Variants in MTCL1 observed in about 807,000 individuals in gnomAD.
The protein encoded by MTCL1 is microtubule crosslinking factor 1.
A neutral mutation model predicts 141.4 loss-of-function variants in MTCL1; 79 were observed. The ratio of observed to expected loss-of-function variants is 0.56; its 90% confidence interval spans 0.47 to 0.67. The LOEUF is 0.67. Among genes scored for constraint, MTCL1 ranks in the 30% least tolerant of loss-of-function variants. The pLI is 0.00. For missense variants in MTCL1, 2,177 were observed against 2,113.9 expected, an observed-to-expected ratio of 1.03 and a Z score of -0.59; for synonymous variants, 914 against 875.8, an observed-to-expected ratio of 1.04 and a Z score of -0.77.
At chr18:8,815,447 A>G (rs1956269576) in intron 12 of MTCL1, among the ~76,000 whole-genome samples, 1 of 152,022 alleles carries the variant, frequency 6.6e-6, no homozygotes, top group Non-Finnish European at 1.5e-5. Context: ...AGGAAGGGGA[A>G]CATCACACTC....
At chr18:8,775,772 G>T (rs1158408558) in intron 4 of MTCL1, among the ~76,000 whole-genome samples, 1 of 152,122 alleles carries the variant, frequency 6.6e-6, no homozygotes, top group Non-Finnish European at 1.5e-5. Flanking sequence ...TGCAGCTGGG[G>T]TTCCTTCCAC....
At chr18:8,820,583 T>C in intron 13 of MTCL1, among the ~76,000 whole-genome samples, 1 of 152,232 alleles carries the variant, frequency 6.6e-6, no homozygotes, top group Non-Finnish European at 1.5e-5. Flanking sequence ...TGCCTTATCC[T>C]CAGCAATGTG....
At chr18:8,745,931 T>C (rs558968310) in intron 4 of MTCL1, among the ~76,000 whole-genome samples, 28 of 152,192 alleles carry the variant, frequency 1.8e-4, no homozygotes, top group Non-Finnish European at 3.5e-4. Flanking sequence ...ACCATTCTAT[T>C]TTCTACCTCT....
exon 15 of MTCL1, chr18:8,824,752 C>G (rs1224465320): frequency 6.2e-7 from 1 of 1,614,128 alleles, no homozygotes; most frequent in Non-Finnish European, 8.5e-7. Context: ...GACATCTCCC[C>G]CTTCCTGCCT....
intron 4 of MTCL1, among the ~76,000 whole-genome samples, chr18:8,760,566 C>G (rs1200987414): frequency 6.6e-6 from 1 of 152,214 alleles, no homozygotes; most frequent in South Asian, 2.1e-4. Context: ...TCAGCTAGAG[C>G]TATATCAGGA....
chr18:8,786,423 G>A (rs1269351348), intron 7 of MTCL1: 5 of 533,818 alleles, frequency 9.4e-6, no homozygotes, highest in South Asian at 6.4e-5. Flanking sequence ...AGAGAAAGAA[G>A]GGATGAAAAC....
At chr18:8,799,098 G>T (rs2076025707) in intron 10 of MTCL1, among the ~76,000 whole-genome samples, 1 of 152,214 alleles carries the variant, frequency 6.6e-6, no homozygotes, top group Non-Finnish European at 1.5e-5. Flanking sequence ...GCAGGGGCAG[G>T]TGGCCACGGG....
chr18:8,805,787 A>G (rs543235835), intron 10 of MTCL1, among the ~76,000 whole-genome samples: 34 of 152,252 alleles, frequency 2.2e-4, no homozygotes, highest in African/African-American at 7.2e-4. Context: ...ATGCCCTGAG[A>G]CCGCCCTGAG....
intron 4 of MTCL1, among the ~76,000 whole-genome samples, chr18:8,755,521 G>C (rs934222309): frequency 1.3e-5 from 2 of 152,052 alleles, no homozygotes; most frequent in Admixed American, 6.5e-5. Context: ...CATCTCACAC[G>C]CTTCTCCTCA....
chr18:8,806,671 T>C (rs1318060595), intron 10 of MTCL1, among the ~76,000 whole-genome samples: 1 of 152,036 alleles, frequency 6.6e-6, no homozygotes. Flanking sequence ...CTCCTCCTGA[T>C]CAAACAGGCC....
At chr18:8,813,860 T>TA (rs1438334745) in intron 12 of MTCL1, among the ~76,000 whole-genome samples, 11 of 152,336 alleles carry the variant, frequency 7.2e-5, no homozygotes, top group Admixed American at 2.6e-4. Context: ...TCTGCCAATA[T>TA]AACCATTCTC....
chr18:8,784,790 T>C (rs1487462709), exon 6 of MTCL1: 1 of 1,611,602 alleles, frequency 6.2e-7, no homozygotes, highest in South Asian at 1.1e-5. Context: ...GACTTCCGTG[T>C]CCCGGGACTC....
intron 4 of MTCL1, among the ~76,000 whole-genome samples, chr18:8,743,459 T>TA (rs1423591735): frequency 1.3e-5 from 2 of 152,238 alleles, no homozygotes; most frequent in Non-Finnish European, 2.9e-5. Flanking sequence ...TGTAGTGGCT[T>TA]AAAACGACAC....
chr18:8,811,213 G>A (rs753223798), intron 11 of MTCL1: 2 of 152,318 alleles, frequency 1.3e-5, no homozygotes, highest in African/African-American at 2.4e-5. Context: ...AAAGGCAAAG[G>A]GGAGCCGATG....
rs1227712798 is a variant in MTCL1, at chr18:8,822,279, G to T, written c.3188+781G>T. 6.6e-6 allele frequency among the ~76,000 whole-genome samples: 1 copy of T among 151,234 alleles called. No individual in the cohort carries two copies. The highest frequency in any genetic ancestry group is 1.9e-4 in the East Asian group (1 of 5,172). On this transcript the variant is annotated intron_variant, in intron 14 of 16. Transcript: ENST00000359865. This position sits in a 1 kb window ranked among gnomAD's most constrained non-coding sequence, Gnocchi z 4.6. ...CAGGCTCTAGAGCCAAACTGCCTGG[G>T]TTGGTTGGTTGGTTGGTTGGTTGGT... is the stretch of plus-strand genomic sequence containing the variant.
chr18:8,715,642 T>G (rs932238769), upstream of MTCL1, among the ~76,000 whole-genome samples: 1 of 152,242 alleles, frequency 6.6e-6, no homozygotes, highest in African/African-American at 2.4e-5. Context: ...TCTCAAAGTC[T>G]GATCCATTAG....
intron 4 of MTCL1, among the ~76,000 whole-genome samples, chr18:8,776,007 A>G (rs1434286169): frequency 6.6e-6 from 1 of 152,254 alleles, no homozygotes; most frequent in Admixed American, 6.5e-5. Flanking sequence ...TAAAATGTGA[A>G]CAGTGCTGAG....
chr18:8,829,046 C>T, intron 16 of MTCL1: 1 of 1,608,880 alleles, frequency 6.2e-7, no homozygotes, highest in South Asian at 1.1e-5. Context: ...CGCTCATCAC[C>T]TGAGGGAGTT....
intron 16 of MTCL1, 54 bp from the exon 15 acceptor site, chr18:8,831,553 C>G (rs2077191633): frequency 1.3e-6 from 2 of 1,535,882 alleles, no homozygotes; most frequent in Admixed American, 4.0e-5. Flanking sequence ...GGGAATCATC[C>G]ACTGGTGACA....
Sources: gnomAD v4.1 joint callset for allele counts (sites outside exome capture counted in the v4.1 genomes callset) on GRCh38, gnomAD v4.1.1 for gene constraint, Gnocchi (gnomAD v3.1) non-coding constraint, MANE v1.5 for transcripts, NCBI Gene and HGNC (gene_info 2026-07-23, HGNC 2026-07-21) for gene names.